The following EFHD1 variants were observed in gnomAD, a reference collection of about 807,000 sequenced individuals.
The protein encoded by EFHD1 is EF-hand domain-containing protein D1.
A neutral mutation model predicts 17.2 loss-of-function variants in EFHD1; 10 were observed. The ratio of observed to expected loss-of-function variants is 0.58; its 90% CI spans 0.36 to 0.99. The LOEUF is 0.99. Among genes scored for constraint, EFHD1 ranks in the 50% least tolerant of loss-of-function variants. The pLI is 0.01. For missense variants in EFHD1, 310 were observed against 327.5 expected, an observed-to-expected ratio of 0.95 and a Z score of 0.41; for synonymous variants, 153 against 142.0, an observed-to-expected ratio of 1.08 and a Z score of -0.55.
chr2:232,607,354 G>A (rs918014017), intron 1 of EFHD1, among the ~76,000 whole-genome samples: 1 of 151,748 alleles, frequency 6.6e-6, no homozygotes, highest in Admixed American at 6.6e-5. Flanking sequence ...GGGGGGCCGA[G>A]GCGGGTGGGG....
At chr2:232,648,887 C>T (rs1694583697) in intron 1 of EFHD1, among the ~76,000 whole-genome samples, 1 of 152,146 alleles carries the variant, frequency 6.6e-6, no homozygotes, top group Non-Finnish European at 1.5e-5. Flanking sequence ...AGAAGGTACT[C>T]TTGTGTCCTG....
intron 2 of EFHD1, 127 bp from the exon 3 acceptor site, chr2:232,672,182 T>C: frequency 7.6e-7 from 1 of 1,315,130 alleles, no homozygotes; most frequent in South Asian, 1.2e-5. Context: ...AAAAAAGTAA[T>C]TTGCCACATG....
intron 3 of EFHD1, among the ~76,000 whole-genome samples, chr2:232,675,592 A>C (rs1477762088): frequency 2.0e-5 from 3 of 152,208 alleles, no homozygotes; most frequent in Non-Finnish European, 4.4e-5. Context: ...ATTCCGATGC[A>C]CAGCCGCAGG....
At chr2:232,671,041 G>T (rs2106216308) in intron 2 of EFHD1, among the ~76,000 whole-genome samples, 1 of 152,228 alleles carries the variant, frequency 6.6e-6, no homozygotes, top group Non-Finnish European at 1.5e-5. Flanking sequence ...CATAGATAAT[G>T]TTTAAACCAT....
At chr2:232,672,590 G>T in intron 3 of EFHD1, 147 bp downstream of exon 3, 1 of 1,130,826 alleles carries the variant, frequency 8.8e-7, no homozygotes, top group East Asian at 2.5e-5. Context: ...ACCAGCAAGT[G>T]GGTGCCAGTC....
chr2:232,655,572 G>T (rs927217317), intron 1 of EFHD1, among the ~76,000 whole-genome samples: 1 of 152,210 alleles, frequency 6.6e-6, no homozygotes, highest in Admixed American at 6.5e-5. Flanking sequence ...GTGTAACAGA[G>T]ACTGTCCCTC....
At chr2:232,644,465 G>A (rs967904996) in intron 1 of EFHD1, among the ~76,000 whole-genome samples, 9 of 151,810 alleles carry the variant, frequency 5.9e-5, no homozygotes, top group Non-Finnish European at 1.3e-4. Flanking sequence ...TCAGGTGTGA[G>A]TGTGTGTTGG....
At chr2:232,612,209 A>C (rs1693825930) in intron 1 of EFHD1, among the ~76,000 whole-genome samples, 1 of 152,144 alleles carries the variant, frequency 6.6e-6, no homozygotes, top group Non-Finnish European at 1.5e-5. Context: ...GCAATACCCA[A>C]TCAGCTAGGC....
chr2:232,616,602 T>C (rs1261335689), intron 1 of EFHD1, among the ~76,000 whole-genome samples: 2 of 152,106 alleles, frequency 1.3e-5, no homozygotes, highest in African/African-American at 4.8e-5. Context: ...CCTAGCCACA[T>C]GATGCCACTT....
intron 1 of EFHD1, among the ~76,000 whole-genome samples, chr2:232,622,265 C>T (rs1169141420): frequency 2.0e-5 from 3 of 151,990 alleles, no homozygotes; most frequent in African/African-American, 4.8e-5. Flanking sequence ...GTCAGGAGTT[C>T]GAGACCAGCC....
intron 1 of EFHD1, among the ~76,000 whole-genome samples, chr2:232,616,624 CTAAAG>C: frequency 6.6e-6 from 1 of 152,188 alleles, no homozygotes; most frequent in Non-Finnish European, 1.5e-5. Flanking sequence ...TATGAGGTCT[CTAAAG>C]TAGTCAAATT....
At chr2:232,660,491 C>T (rs1052382822) in intron 1 of EFHD1, among the ~76,000 whole-genome samples, 11 of 151,982 alleles carry the variant, frequency 7.2e-5, no homozygotes, top group Admixed American at 2.0e-4. Context: ...TGAGCCACTG[C>T]GCCAGGCCTC....
At chr2:232,617,822 GC>G (rs1278296415) in intron 1 of EFHD1, among the ~76,000 whole-genome samples, 1 of 151,250 alleles carries the variant, frequency 6.6e-6, no homozygotes, top group Non-Finnish European at 1.5e-5. Context: ...GGTGGTGGGT[GC>G]CTGTAATCCC....
chr2:232,629,310 G>C (rs1694160783), upstream of EFHD1, among the ~76,000 whole-genome samples: 1 of 152,156 alleles, frequency 6.6e-6, no homozygotes, highest in South Asian at 2.1e-4. Context: ...CAGAATGTTA[G>C]TGAAATAAAT....
chr2:232,642,808 G>C (rs1004335614), intron 1 of EFHD1, among the ~76,000 whole-genome samples: 1 of 152,080 alleles, frequency 6.6e-6, no homozygotes, highest in Non-Finnish European at 1.5e-5. Context: ...AGCTGTTCCC[G>C]AGGGTCACCT....
At chr2:232,636,009 G>T (rs769616953) in intron 1 of EFHD1, among the ~76,000 whole-genome samples, 15 of 152,176 alleles carry the variant, frequency 9.9e-5, no homozygotes, top group Non-Finnish European at 1.9e-4. Flanking sequence ...TTCAGGTGTG[G>T]CTGGATCTAG....
At chr2:232,672,474 A>G (rs750757173) in intron 3 of EFHD1, 31 bp downstream of exon 3, 3 of 1,558,746 alleles carry the variant, frequency 1.9e-6, no homozygotes, top group Non-Finnish European at 2.6e-6. Flanking sequence ...GTGAGGAGCA[A>G]CCACTCCCAG....
At chr2:232,631,839 T>TA (rs994448818), upstream of EFHD1, among the ~76,000 whole-genome samples, 28 of 151,574 alleles carry the variant, frequency 1.8e-4, no homozygotes, top group Admixed American at 7.9e-4. Context: ...CTGTCTCTAC[T>TA]AAAAATACAA....
chr2:232,636,003 G>C (rs923655632), intron 1 of EFHD1, among the ~76,000 whole-genome samples: 4 of 152,198 alleles, frequency 2.6e-5, no homozygotes, highest in Non-Finnish European at 5.9e-5. Flanking sequence ...ACTAGCTTCA[G>C]GTGTGGCTGG....
Sources: allele counts gnomAD v4.1 joint callset (sites outside exome capture counted in the v4.1 genomes callset), GRCh38; gene constraint gnomAD v4.1.1; transcripts MANE v1.5; gene names NCBI Gene and HGNC (gene_info 2026-07-23, HGNC 2026-07-21).